COL19A1: variants seen among roughly 807,000 people sequenced by gnomAD.
COL19A1 encodes the protein collagen alpha-1(XIX) chain.
A neutral mutation model predicts 190.2 loss-of-function variants in COL19A1; 159 were observed. The observed-to-expected ratio is 0.84, with a 90% CI of 0.73 to 0.95. The LOEUF is 0.95. Among genes scored for constraint, COL19A1 ranks in the 40% least tolerant of loss-of-function variants. The pLI, the probability that COL19A1 is intolerant of heterozygous loss-of-function variation, is 0.00. For synonymous variants in COL19A1, 509 were observed against 458.9 expected (o/e 1.11, Z -1.39); for missense variants, 1,418 against 1,431.9 (o/e 0.99, Z 0.16).
At chr6:70,112,689 T>C (rs1389566714) in intron 16 of COL19A1, among the ~76,000 whole-genome samples, 6 of 152,222 alleles carry the variant, frequency 3.9e-5, no homozygotes, top group Non-Finnish European at 7.3e-5. Flanking sequence ...AATCTGCTTT[T>C]ATGAAATGGG....
chr6:69,987,132 A>C (rs748363583), intron 11 of COL19A1, among the ~76,000 whole-genome samples: 1 of 152,150 alleles, frequency 6.6e-6, no homozygotes, highest in Non-Finnish European at 1.5e-5. Flanking sequence ...ATCATCCCAA[A>C]GGTGTCCACT....
chr6:70,095,618 G>A (rs2150180545), intron 15 of COL19A1, among the ~76,000 whole-genome samples: 1 of 152,202 alleles, frequency 6.6e-6, no homozygotes, highest in South Asian at 2.1e-4. Context: ...ACATTGTTGT[G>A]AAACAGATCT....
At chr6:70,082,995 G>A (rs941139498) in intron 15 of COL19A1, among the ~76,000 whole-genome samples, 5 of 152,242 alleles carry the variant, frequency 3.3e-5, no homozygotes, top group South Asian at 2.1e-4. Flanking sequence ...ATGCTCGCCC[G>A]CCACTCACCT....
intron 2 of COL19A1, among the ~76,000 whole-genome samples, chr6:69,893,729 T>C (rs1769522679): frequency 6.6e-6 from 1 of 152,228 alleles, no homozygotes; most frequent in South Asian, 2.1e-4. Context: ...TTTCTTTCCT[T>C]TGTTTCCAGA....
At chr6:70,130,361 G>T in intron 18 of COL19A1, 138 bp downstream of exon 18, 1 of 639,246 alleles carries the variant, frequency 1.6e-6, no homozygotes, top group Admixed American at 3.1e-5. Flanking sequence ...AAGTAGCTGG[G>T]ATTACAGGCA....
chr6:69,877,575 A>G (rs1301208295), intron 1 of COL19A1, among the ~76,000 whole-genome samples: 1 of 152,256 alleles, frequency 6.6e-6, no homozygotes, highest in Non-Finnish European at 1.5e-5. Flanking sequence ...AGTTTATAGA[A>G]AACATGACAT....
chr6:70,111,948 T>C (rs143492803), intron 16 of COL19A1, among the ~76,000 whole-genome samples: 1 of 152,318 alleles, frequency 6.6e-6, no homozygotes, highest in Non-Finnish European at 1.5e-5. Context: ...TATAAGCTAG[T>C]GCCACCAGCC....
chr6:70,111,676 C>G (rs762774978), intron 16 of COL19A1, among the ~76,000 whole-genome samples: 1 of 152,126 alleles, frequency 6.6e-6, no homozygotes. Context: ...AATGGGGCCA[C>G]GTGTTTTAAA....
chr6:70,195,794 A>G (rs1459481351), intron 48 of COL19A1, among the ~76,000 whole-genome samples: 2 of 152,194 alleles, frequency 1.3e-5, no homozygotes, highest in Non-Finnish European at 2.9e-5. Context: ...TTATTCCTCT[A>G]CTTCTAGTCT....
At chr6:70,032,570 G>A (rs983763387) in intron 12 of COL19A1, among the ~76,000 whole-genome samples, 1 of 151,990 alleles carries the variant, frequency 6.6e-6, no homozygotes, top group Non-Finnish European at 1.5e-5. Flanking sequence ...TTTATTTAAT[G>A]CAATATATCC....
intron 34 of COL19A1, 75 bp downstream of exon 34, chr6:70,156,798 AT>A: frequency 2.6e-6 from 3 of 1,172,254 alleles, no homozygotes; most frequent in Non-Finnish European, 3.7e-6. Flanking sequence ...AAAAATGTTA[AT>A]TTTTCTATAG....
chr6:70,057,969 C>G (rs564948123), intron 14 of COL19A1, among the ~76,000 whole-genome samples: 1 of 152,096 alleles, frequency 6.6e-6, no homozygotes, highest in Non-Finnish European at 1.5e-5. Context: ...ACATACACAA[C>G]TTAAAAAATG....
chr6:69,897,549 A>G (rs1376681657), intron 2 of COL19A1, among the ~76,000 whole-genome samples: 3 of 152,092 alleles, frequency 2.0e-5, no homozygotes, highest in Non-Finnish European at 4.4e-5. Flanking sequence ...CCAAGAACTA[A>G]CATCTTAACA....
At chr6:70,137,559 G>A (rs1785946184) in intron 18 of COL19A1, 126 bp from the exon 19 acceptor site, 1 of 826,686 alleles carries the variant, frequency 1.2e-6, no homozygotes, top group East Asian at 2.5e-5. Context: ...ACTTTGCATT[G>A]TCTGTTGGAT....
chr6:69,975,031 T>C (rs1295131840), intron 11 of COL19A1, among the ~76,000 whole-genome samples: 1 of 152,086 alleles, frequency 6.6e-6, no homozygotes, highest in Non-Finnish European at 1.5e-5. Flanking sequence ...GCCAGGATGG[T>C]GCTGAGCTCC....
In COL19A1 at chr6:70,049,454, T is replaced by C. The variant is rs555933753; in HGVS notation, c.1170+13515T>C. On this transcript the variant is annotated intron_variant, in intron 14 of 50. Transcript: ENST00000620364. ...TAAAGCCCTGGAAATATTTATGTTTTAGCCTCAGGGAAGATTTATGTTTTG... is the reference window on the plus strand; with the variant it reads ...TAAAGCCCTGGAAATATTTATGTTTCAGCCTCAGGGAAGATTTATGTTTTG... 6.6e-5 allele frequency among the ~76,000 whole-genome samples: 10 copies of C among 152,144 alleles called. No homozygotes were observed. In the South Asian group the frequency reaches 2.1e-3, roughly 31 times the overall value.
At chr6:69,944,112 A>G (rs1052237606) in intron 9 of COL19A1, among the ~76,000 whole-genome samples, 1 of 152,080 alleles carries the variant, frequency 6.6e-6, no homozygotes, top group Non-Finnish European at 1.5e-5. Flanking sequence ...GTCCTTGTCC[A>G]CATCCACTTG....
intron 2 of COL19A1, among the ~76,000 whole-genome samples, chr6:69,884,050 C>T (rs988204939): frequency 4.6e-5 from 7 of 151,792 alleles, no homozygotes; most frequent in African/African-American, 1.7e-4. Flanking sequence ...AAGTATCAGA[C>T]CTGGCCGGGC....
At chr6:70,149,663 T>C in intron 27 of COL19A1, 41 bp from the exon 28 acceptor site, 1 of 1,608,524 alleles carries the variant, frequency 6.2e-7, no homozygotes, top group African/African-American at 1.3e-5. Context: ...TTATGGACAT[T>C]CTTGGTGGAA....
Sources: gnomAD v4.1 joint callset for allele counts (sites outside exome capture counted in the v4.1 genomes callset) on GRCh38, gnomAD v4.1.1 for gene constraint, MANE v1.5 for transcripts, NCBI Gene and HGNC (gene_info 2026-07-23, HGNC 2026-07-21) for gene names.